PPARA: variants seen among roughly 807,000 people sequenced by gnomAD.
The protein encoded by PPARA is peroxisome proliferator-activated receptor alpha.
PPARA carries 22 observed loss-of-function variants against 42.2 expected under a neutral mutation model. The ratio of observed to expected loss-of-function variants is 0.52; its 90% CI spans 0.37 to 0.74. PPARA has a LOEUF of 0.74. Ranked by LOEUF, PPARA falls within the 30% of genes least tolerant of loss-of-function variation. PPARA has a pLI of 0.00. For missense variants in PPARA, 465 were observed against 608.2 expected (o/e 0.76, Z 2.48); for synonymous variants, 242 against 239.3 (o/e 1.01, Z -0.10).
intron 2 of PPARA, chr22:46,155,397 C>G (rs573358196): frequency 6.6e-6 from 1 of 152,418 alleles, no homozygotes; most frequent in Admixed American, 6.5e-5. Flanking sequence ...TCACTGCAAC[C>G]TCCGCCTCCT....
chr22:46,219,821 T>G lies in PPARA; in HGVS notation c.518T>G (p.Phe173Cys), dbSNP rs1934851825. 4 of 1,614,098 alleles carry G rather than the reference T, an allele frequency of 2.5e-6. No individual in the cohort carries two copies. The highest frequency in any genetic ancestry group is 3.4e-6 in the Non-Finnish European group (4 of 1,180,042). ...SVGMSHNAIRFGRMPRSEKAK... is the reference protein window; with the variant it reads ...SVGMSHNAIRCGRMPRSEKAK... ...CCCCTCCAAACCCTAGCGATTCGTT[T>G]TGGACGAATGCCAAGATCTGAGAAA... The change falls in exon 7 of 9, where the codon TTT becomes TGT. Residue 173 changes from phenylalanine to cysteine, a missense_variant. Coordinates refer to ENST00000407236, the MANE Select transcript of PPARA (RefSeq NM_005036.6). The surrounding 1 kb of genome is among the most constrained non-coding windows in gnomAD (Gnocchi z 4.8).
chr22:46,186,818 A>T (rs1010170433), intron 3 of PPARA, among the ~76,000 whole-genome samples: 1 of 152,120 alleles, frequency 6.6e-6, no homozygotes, highest in Admixed American at 6.5e-5. Context: ...CCCACAGTGG[A>T]TACCTGAAGC....
chr22:46,178,819 A>G (rs1929543022), intron 3 of PPARA, among the ~76,000 whole-genome samples: 1 of 152,204 alleles, frequency 6.6e-6, no homozygotes, highest in South Asian at 2.1e-4. Context: ...TCTTGGGCAT[A>G]AAGACAAGAA....
chr22:46,231,691 G>A lies in PPARA; in HGVS notation c.712-101G>A. The A allele has an allele frequency of 8.1e-7, 1 of 1,241,936 alleles. No individual in the cohort carries two copies. 76.9% of individuals were successfully genotyped at this position (1,241,936 alleles called of 1,614,324 possible). A position where few individuals can be genotyped will look rare whatever the true frequency, so the allele number is the denominator to read the frequency against. On this transcript the variant is annotated intron_variant, in intron 7 of 8. Coordinates refer to ENST00000407236, the MANE Select transcript of PPARA (RefSeq NM_005036.6). The surrounding 1 kb of genome is among the most constrained non-coding windows in gnomAD (Gnocchi z 7.7). Reference sequence around the variant, plus strand: ...TATCTTGAGTCCTCTGAGGCACTGAGCTTGGTGATTTGGACGCAGGAGCTG... The same window carrying A: ...TATCTTGAGTCCTCTGAGGCACTGAACTTGGTGATTTGGACGCAGGAGCTG...
At chr22:46,229,308 C>G (rs138692200) in intron 7 of PPARA, among the ~76,000 whole-genome samples, 1 of 152,126 alleles carries the variant, frequency 6.6e-6, no homozygotes, top group East Asian at 1.9e-4. Context: ...CTGGCCTGCA[C>G]TTTGGAAGGC....
chr22:46,171,760 G>A lies in PPARA; in HGVS notation c.-126-4993G>A, dbSNP rs772040851. Among the ~76,000 whole-genome samples, 2 of 152,150 alleles carry A rather than the reference G, an allele frequency of 1.3e-5. No individual in the cohort carries two copies. Among genetic ancestry groups the A allele is most frequent in the Non-Finnish European group, 2.9e-5 (2 of 68,012 alleles). ...TCAGGAGGTCCCAGGGGAGAGGCAG[G>A]ACCAGTCTCGTGGAGGTCGGGGCCG... On this transcript the variant is annotated intron_variant, in intron 2 of 8. Coordinates refer to ENST00000407236, the MANE Select transcript of PPARA (RefSeq NM_005036.6). This position sits in a 1 kb window ranked among gnomAD's most constrained non-coding sequence, Gnocchi z 5.0.
chr22:46,163,859 C>T lies in PPARA; in HGVS notation c.-127+11889C>T, dbSNP rs187815878. The stretch of plus-strand genomic sequence containing the variant: ...AGCCTTCCACGACGGACCCCCCACT[C>T]TCTATTAATTCCCAAGAAACCAGGC... On this transcript the variant is annotated intron_variant, in intron 2 of 8. Transcript: ENST00000407236. This position sits in a 1 kb window ranked among gnomAD's most constrained non-coding sequence, Gnocchi z 4.9. 16 of 152,418 alleles carry T rather than the reference C, an allele frequency of 1.0e-4. No homozygotes were observed. Among genetic ancestry groups the T allele is most frequent in the Admixed American group, 9.8e-4 (15 of 15,298 alleles). 9.4% of individuals were successfully genotyped at this position (152,418 alleles called of 1,614,324 possible).
At position 46,216,407 on chromosome 22, in the gene PPARA, G is replaced by GA. The variant is rs1485544209; in HGVS notation, c.369+1078dup. On this transcript the variant is annotated intron_variant, in intron 5 of 8. Coordinates refer to ENST00000407236, the MANE Select transcript of PPARA (RefSeq NM_005036.6). This position sits in a 1 kb window ranked among gnomAD's most constrained non-coding sequence, Gnocchi z 4.5. ...TCAAAAAAAAAAAAAAGAGAGAAAAGAAAATAAGCCACATTAAGAACATCA... is the reference window on the plus strand; with the variant it reads ...TCAAAAAAAAAAAAAAGAGAGAAAAGAAAAATAAGCCACATTAAGAACATCA... Among the ~76,000 whole-genome samples the GA allele has an allele frequency of 6.6e-6, 1 of 150,906 alleles. No homozygotes were observed. Among genetic ancestry groups the GA allele is most frequent in the South Asian group, 2.1e-4 (1 of 4,790 alleles).
chr22:46,205,985 A>T (rs139777344), intron 4 of PPARA, among the ~76,000 whole-genome samples: 1 of 152,032 alleles, frequency 6.6e-6, no homozygotes, highest in Non-Finnish European at 1.5e-5. Flanking sequence ...TCTTTATACT[A>T]TGGTTTGATT....
chr22:46,154,968 C>T (rs1167641104), intron 2 of PPARA: 6 of 121,930 alleles, frequency 4.9e-5, no homozygotes, highest in African/African-American at 1.6e-4. Flanking sequence ...CCACTGCACC[C>T]GGCATAAGTG....
chr22:46,206,944 C>T (rs966006115), intron 4 of PPARA, among the ~76,000 whole-genome samples: 8 of 152,136 alleles, frequency 5.3e-5, no homozygotes, highest in African/African-American at 9.6e-5. Flanking sequence ...TTCAAAGGGC[C>T]GGGCACAGTG....
rs1569207878 is a variant in PPARA at position 46,185,954 on chromosome 22, T to TAC, written c.-43+9119_-43+9120insCA. The stretch of plus-strand genomic sequence containing the variant: ...ATATATATATATATATATATATATA[T>TAC]ATATATATATACACACACACTAACC... On this transcript the variant is annotated intron_variant, in intron 3 of 8. Coordinates refer to ENST00000407236, the MANE Select transcript of PPARA (RefSeq NM_005036.6). Among the ~76,000 whole-genome samples the TAC allele has an allele frequency of 8.9e-5, 5 of 56,138 alleles. 1 individual carries two copies. The highest frequency in any genetic ancestry group is 3.3e-4 in the African/African-American group (5 of 15,364). 36.8% of individuals were successfully genotyped at this position (56,138 alleles called of 152,430 possible).
Position 46,173,757 on chromosome 22 carries a change from A to G in PPARA, c.-126-2996A>G, listed in dbSNP as rs1326867886. On this transcript the variant is annotated intron_variant, in intron 2 of 8. Transcript: ENST00000407236. The surrounding 1 kb of genome is among the most constrained non-coding windows in gnomAD (Gnocchi z 4.3). ...ATCATAGATTGAACTGTATCTGTTA[A>G]ATTAACAGAAGCGAAGTGTTCTGTG... Among the ~76,000 whole-genome samples, 2 of 152,218 alleles carry G rather than the reference A, an allele frequency of 1.3e-5. No homozygotes were observed. Among genetic ancestry groups the G allele is most frequent in the African/African-American group, 4.8e-5 (2 of 41,460 alleles).
At position 46,196,468 on chromosome 22, in the gene PPARA, T is replaced by C. The variant is rs1207197693; in HGVS notation, c.-42-1874T>C. 6.6e-6 allele frequency among the ~76,000 whole-genome samples: 1 copy of C among 152,244 alleles called. No homozygotes were observed. The highest frequency in any genetic ancestry group is 1.5e-5 in the Non-Finnish European group (1 of 68,042). On this transcript the variant is annotated intron_variant, in intron 3 of 8. Coordinates refer to ENST00000407236, the MANE Select transcript of PPARA (RefSeq NM_005036.6). The surrounding 1 kb of genome is among the most constrained non-coding windows in gnomAD (Gnocchi z 5.6). ...CGCAGCCTGAGCCACACTGGCTGCC[T>C]GTTCCTGGAATGTGCCAACATGTTT...
chr22:46,152,339 A>C (rs1015990566), intron 2 of PPARA, among the ~76,000 whole-genome samples: 1 of 151,782 alleles, frequency 6.6e-6, no homozygotes, highest in African/African-American at 2.4e-5. Context: ...GGGTTTCACC[A>C]TCTTGGCCAG....
intron 3 of PPARA, among the ~76,000 whole-genome samples, chr22:46,178,487 G>T (rs897939817): frequency 4.6e-5 from 7 of 152,324 alleles, no homozygotes; most frequent in African/African-American, 7.2e-5. Flanking sequence ...AGGGAGAGGG[G>T]AAACTGAGGC....
At position 46,227,381 on chromosome 22, in the gene PPARA, A is replaced by G. The variant is rs948603126; in HGVS notation, c.712-4411A>G. On this transcript the variant is annotated intron_variant, in intron 7 of 8. Coordinates refer to ENST00000407236, the MANE Select transcript of PPARA (RefSeq NM_005036.6). The surrounding 1 kb of genome is among the most constrained non-coding windows in gnomAD (Gnocchi z 4.3). Reference sequence around the variant, plus strand: ...ATTCTCCTGCCTCAGCCTCCTAAGTAGCTGGGATTACAGGTGCCAGCCACC... The same window carrying G: ...ATTCTCCTGCCTCAGCCTCCTAAGTGGCTGGGATTACAGGTGCCAGCCACC... 2.0e-5 allele frequency among the ~76,000 whole-genome samples: 3 copies of G among 152,122 alleles called. No individual in the cohort carries two copies. Among genetic ancestry groups the G allele is most frequent in the Admixed American group, 2.0e-4 (3 of 15,264 alleles).
At position 46,219,167 on chromosome 22, in the gene PPARA, AAAAG is replaced by A. The variant is rs1472132769; in HGVS notation, c.509-641_509-638del. Among the ~76,000 whole-genome samples, 2 of 152,178 alleles carry A rather than the reference AAAAG, an allele frequency of 1.3e-5. No individual in the cohort carries two copies. Among genetic ancestry groups the A allele is most frequent in the African/African-American group, 4.8e-5 (2 of 41,436 alleles). On this transcript the variant is annotated intron_variant, in intron 6 of 8. Coordinates refer to ENST00000407236, the MANE Select transcript of PPARA (RefSeq NM_005036.6). The surrounding 1 kb of genome is among the most constrained non-coding windows in gnomAD (Gnocchi z 4.8). ...ACAGAGTGCGACTCCGTCTCAAAAAAAAAGAAAAAAAAAGAAAAAGTCTCAAATA... is the reference window on the plus strand; with the variant it reads ...ACAGAGTGCGACTCCGTCTCAAAAAAAAAAAAAAAGAAAAAGTCTCAAATA...
In PPARA at chr22:46,200,583, C is replaced by T. The variant is rs1932789393; in HGVS notation, c.208+1992C>T. On this transcript the variant is annotated intron_variant, in intron 4 of 8. Transcript: ENST00000407236. The surrounding 1 kb of genome is among the most constrained non-coding windows in gnomAD (Gnocchi z 4.8). The stretch of plus-strand genomic sequence containing the variant: ...TGGTCTATTGTTGACCAAAATGTCA[C>T]TGTGCAGTGTGTGACTATACAGAAA... Among the ~76,000 whole-genome samples, 1 of 152,260 alleles carries T rather than the reference C, an allele frequency of 6.6e-6. No individual in the cohort carries two copies. The highest frequency in any genetic ancestry group is 1.5e-5 in the Non-Finnish European group (1 of 68,050).
Sources: allele counts gnomAD v4.1 joint callset (sites outside exome capture counted in the v4.1 genomes callset), GRCh38; gene constraint gnomAD v4.1.1; non-coding constraint Gnocchi (gnomAD v3.1); transcripts MANE v1.5; gene names NCBI Gene and HGNC (gene_info 2026-07-23, HGNC 2026-07-21).